FABP2: variants seen among roughly 807,000 people sequenced by gnomAD.
FABP2 encodes fatty acid binding protein 2, also known as fatty acid-binding protein, intestinal.
In FABP2, 11 loss-of-function variants were observed where a neutral mutation model predicts 16.1. The observed-to-expected ratio is 0.68, with a 90% CI of 0.43 to 1.13. FABP2 has a LOEUF of 1.13. FABP2 is among the 50% of genes most tolerant of loss of function. FABP2 has a pLI of 0.00. For missense variants in FABP2, 146 were observed against 155.1 expected (o/e 0.94, Z 0.31); for synonymous variants, 45 against 50.9 (o/e 0.88, Z 0.49).
chr4:119,321,950 C>A, intron 1 of FABP2, 86 bp downstream of exon 1: 2 of 1,087,720 alleles, frequency 1.8e-6, no homozygotes, highest in South Asian at 1.4e-5. Context: ...TGTAAGCTAT[C>A]TGTAATCTCC....
intron 2 of FABP2, among the ~76,000 whole-genome samples, chr4:119,319,902 T>C (rs1755638185): frequency 2.0e-5 from 3 of 151,996 alleles, no homozygotes; most frequent in Admixed American, 2.0e-4. Flanking sequence ...TTATGCTTGT[T>C]CTCTTCAATA....
chr4:119,322,005 A>G (rs753845646), intron 1 of FABP2, 31 bp downstream of exon 1: 1 of 1,575,216 alleles, frequency 6.3e-7, no homozygotes, highest in South Asian at 1.1e-5. Context: ...AAGAAAGCAA[A>G]GAATGAGCCA....
rs776157369 is a variant in FABP2 at position 119,320,696 on chromosome 4, T to A, written c.214A>T (p.Asn72Tyr). The A allele has an allele frequency of 1.4e-5, 23 of 1,595,784 alleles. No homozygotes were observed. In the South Asian group the frequency reaches 2.2e-4, roughly 15 times the overall value. The part of the protein sequence containing the change: ...VFELGVTFNY[N>Y]LADGTELRGT... ...CTGAGTTCAGTTCCGTCTGCTAGAT[T>A]GTAATTAAAGGTGACACCAAGTTCA... The change falls in exon 2 of 4, where the codon AAT becomes TAT. Residue 72 changes from asparagine to tyrosine, a missense_variant. Asn to Tyr is a moderately radical substitution (Grantham distance 143). Coordinates refer to ENST00000274024, the MANE Select transcript of FABP2 (RefSeq NM_000134.4).
chr4:119,322,126 G>C lies in FABP2; in HGVS notation c.-24C>G, dbSNP rs1390389120. ...ATGATTTCAGTTGAGTCAGCCTCTA[G>C]GCAGCTAGAGATTCAGGTCTGTCCT... On this transcript the variant is annotated 5_prime_UTR_variant, in exon 1 of 4. Coordinates refer to ENST00000274024, the MANE Select transcript of FABP2 (RefSeq NM_000134.4). 2 of 1,596,414 alleles carry C rather than the reference G, an allele frequency of 1.3e-6. No individual in the cohort carries two copies. Among genetic ancestry groups the C allele is most frequent in the African/African-American group, 2.7e-5 (2 of 74,344 alleles).
rs714899 is a variant in FABP2 at position 119,321,880 on chromosome 4, G to A, written c.67+156C>T. 0.32 allele frequency among the ~76,000 whole-genome samples: 49,055 copies of A among 151,880 alleles called. 8,052 individuals carry two copies. The highest frequency in any genetic ancestry group is 0.39 in the East Asian group (2,008 of 5,164). On this transcript the variant is annotated intron_variant, in intron 1 of 3. Transcript: ENST00000274024. Reference sequence around the variant, plus strand: ...GGATTCTTCCTAATGTAAGAAGGGAGAATATGGTTTCCCTCCTCTGAACAT... The same window carrying A: ...GGATTCTTCCTAATGTAAGAAGGGAAAATATGGTTTCCCTCCTCTGAACAT...
chr4:119,318,817 G>A lies in FABP2; in HGVS notation c.*224C>T. On this transcript the variant is annotated 3_prime_UTR_variant, in exon 4 of 4. Transcript: ENST00000274024. Reference sequence around the variant, plus strand: ...AATATTTATTTTTGTTTTTTAAAATGTCACAAATTCTTTTAGTAAATATAT... The same window carrying A: ...AATATTTATTTTTGTTTTTTAAAATATCACAAATTCTTTTAGTAAATATAT... 2.6e-6 allele frequency: 1 copy of A among 386,360 alleles called. No individual in the cohort carries two copies. The highest frequency in any genetic ancestry group is 4.7e-6 in the Non-Finnish European group (1 of 213,132). The allele number at this position is 386,360 out of a possible 1,614,324, so 23.9% of individuals were successfully genotyped here.
intron 1 of FABP2, among the ~76,000 whole-genome samples, chr4:119,321,320 C>T (rs1321314673): frequency 1.3e-5 from 2 of 151,844 alleles, no homozygotes; most frequent in Non-Finnish European, 1.5e-5. Context: ...TTCTTTCTGA[C>T]ACAAAAATGA....
chr4:119,317,433 A>C lies in FABP2; in HGVS notation c.*1608T>G, dbSNP rs1755598176. 1 of 152,024 alleles carries C rather than the reference A, an allele frequency of 6.6e-6. No individual in the cohort carries two copies. The highest frequency in any genetic ancestry group is 2.1e-4 in the South Asian group (1 of 4,828). The allele number at this position is 152,024 out of a possible 1,614,324, so 9.4% of individuals were successfully genotyped here. On this transcript the variant is annotated 3_prime_UTR_variant, in exon 4 of 4. Coordinates refer to ENST00000274024, the MANE Select transcript of FABP2 (RefSeq NM_000134.4). ...CAACTCTTCCAAGTCTCCAGTGTCTATTATTCTACACTCTGGTGTGTCCAT... is the reference window on the plus strand; with the variant it reads ...CAACTCTTCCAAGTCTCCAGTGTCTCTTATTCTACACTCTGGTGTGTCCAT...
intron 1 of FABP2, among the ~76,000 whole-genome samples, chr4:119,321,128 G>A (rs2149498423): frequency 6.6e-6 from 1 of 152,164 alleles, no homozygotes; most frequent in African/African-American, 2.4e-5. Context: ...GTTCATTTCA[G>A]TGTTAAGTAA....
rs1165106307 is a variant in FABP2 at position 119,317,304 on chromosome 4, A to G, written c.*1737T>C. 2.0e-5 allele frequency: 3 copies of G among 152,194 alleles called. No individual in the cohort carries two copies. The highest frequency in any genetic ancestry group is 2.1e-4 in the South Asian group (1 of 4,832). The allele number at this position is 152,194 out of a possible 1,614,324, so 9.4% of individuals were successfully genotyped here. A position where few individuals can be genotyped will look rare whatever the true frequency, so the allele number is the denominator to read the frequency against. ...AGGAGTACAAGTATAGTTTTGTTAC[A>G]TTGATATATTGCATAGTGGTAAAGT... On this transcript the variant is annotated 3_prime_UTR_variant, in exon 4 of 4. Coordinates refer to ENST00000274024, the MANE Select transcript of FABP2 (RefSeq NM_000134.4).
intron 2 of FABP2, among the ~76,000 whole-genome samples, chr4:119,319,889 C>T (rs1313753086): frequency 6.6e-6 from 1 of 151,894 alleles, no homozygotes; most frequent in East Asian, 1.9e-4. Flanking sequence ...GTGTTGATAA[C>T]CATTATGCTT....
rs1234115277 is a variant in FABP2, at chr4:119,317,262, A to G, written c.*1779T>C. The G allele has an allele frequency of 1.3e-5, 2 of 152,096 alleles. No homozygotes were observed. Among genetic ancestry groups the G allele is most frequent in the Non-Finnish European group, 2.9e-5 (2 of 67,996 alleles). The allele number at this position is 152,096 out of a possible 1,614,324, so 9.4% of individuals were successfully genotyped here. On this transcript the variant is annotated 3_prime_UTR_variant, in exon 4 of 4. Coordinates refer to ENST00000274024, the MANE Select transcript of FABP2 (RefSeq NM_000134.4). ...TATAAAATGAACATAGATTTAAGGTATTTTTATATAAATTTAAGGAGTACA... is the reference window on the plus strand; with the variant it reads ...TATAAAATGAACATAGATTTAAGGTGTTTTTATATAAATTTAAGGAGTACA...
intron 1 of FABP2, 47 bp from the exon 2 acceptor site, chr4:119,320,889 A>T: frequency 6.9e-7 from 1 of 1,440,654 alleles, no homozygotes; most frequent in South Asian, 1.4e-5. Context: ...ATCCCATAGG[A>T]AGTGTTTATT....
rs1237168095 is a variant in FABP2 at position 119,318,138 on chromosome 4, TG to T, written c.*902del. 3.3e-5 allele frequency: 5 copies of T among 152,240 alleles called. No individual in the cohort carries two copies. The highest frequency in any genetic ancestry group is 1.2e-4 in the African/African-American group (5 of 41,560). The allele number at this position is 152,240 out of a possible 1,614,324, so 9.4% of individuals were successfully genotyped here. On this transcript the variant is annotated 3_prime_UTR_variant, in exon 4 of 4. Transcript: ENST00000274024. ...AATGTAATACAATAATTTAATTTAA[TG>T]TAGTACATCATTTATTTCCTATCAT...
Position 119,320,674 on chromosome 4 carries a change from A to C in FABP2, c.236T>G (p.Leu79Arg). 2 of 1,561,926 alleles carry C rather than the reference A, an allele frequency of 1.3e-6. No individual in the cohort carries two copies. The highest frequency in any genetic ancestry group is 1.7e-6 in the Non-Finnish European group (2 of 1,164,436). ...FNYNLADGTE[L>R]RGTWSLEGNK... ...CATAAAAAAAAAAATTCTTACCCTG[A>C]GTTCAGTTCCGTCTGCTAGATTGTA... Residue 79 changes from leucine to arginine, a missense_variant, in exon 2 of 4, where the codon CTC becomes CGC. Transcript: ENST00000274024.
chr4:119,320,832 T>G lies in FABP2; in HGVS notation c.78A>C (p.Ile26=). ...DKFMEKMGVN[I]VKRKLAAHDN... ...CATGAGCTGCAAGCTTCCTTTTCAC[T>G]ATATTAACACCTGTAAAAGGTAAGA... The change falls in exon 2 of 4, where the codon ATA becomes ATC. Residue 26 remains isoleucine, a synonymous_variant. Coordinates refer to ENST00000274024, the MANE Select transcript of FABP2 (RefSeq NM_000134.4). 6.3e-7 allele frequency: 1 copy of G among 1,590,036 alleles called. No individual in the cohort carries two copies. Among genetic ancestry groups the G allele is most frequent in the South Asian group, 1.2e-5 (1 of 86,760 alleles).
rs4834770 is a variant in FABP2 at position 119,320,694 on chromosome 4, A to G, written c.216T>C (p.Asn72=). The G allele has an allele frequency of 0.57, 902,292 of 1,591,276 alleles. 257,184 individuals carry two copies. The highest frequency in any genetic ancestry group is 0.63 in the Admixed American group (34,769 of 55,428). ...VFELGVTFNY[N]LADGTELRGT... Reference sequence around the variant, plus strand: ...CCCTGAGTTCAGTTCCGTCTGCTAGATTGTAATTAAAGGTGACACCAAGTT... The same window carrying G: ...CCCTGAGTTCAGTTCCGTCTGCTAGGTTGTAATTAAAGGTGACACCAAGTT... Residue 72 remains asparagine (N), a synonymous_variant, in exon 2 of 4, where the codon AAT becomes AAC. Transcript: ENST00000274024.
intron 2 of FABP2, 149 bp downstream of exon 2, chr4:119,320,521 A>G (rs1009878115): frequency 8.6e-6 from 5 of 581,994 alleles, no homozygotes; most frequent in Admixed American, 7.9e-5. Flanking sequence ...AATTTGTGCA[A>G]TATATAATGT....
rs780032936 is a variant in FABP2 at position 119,319,110 on chromosome 4, CAG to C, written c.349-21_349-20del. The C allele has an allele frequency of 6.5e-7, 1 of 1,543,094 alleles. No individual in the cohort carries two copies. The highest frequency in any genetic ancestry group is 1.4e-5 in the African/African-American group (1 of 71,878). On this transcript the variant is annotated intron_variant, in intron 3 of 3. Coordinates refer to ENST00000274024, the MANE Select transcript of FABP2 (RefSeq NM_000134.4). The stretch of plus-strand genomic sequence containing the variant: ...CATAAGTCTGAAAGGTGTTAACAAA[CAG>C]AAGAATTTATCTTTAAGGTTTACAT...
Sources: gnomAD v4.1 joint callset for allele counts (sites outside exome capture counted in the v4.1 genomes callset) on GRCh38, gnomAD v4.1.1 for gene constraint, MANE v1.5 for transcripts, NCBI Gene and HGNC (gene_info 2026-07-23, HGNC 2026-07-21) for gene names.